PTPRD: variants seen among roughly 807,000 people sequenced by gnomAD.
PTPRD encodes receptor-type tyrosine-protein phosphatase delta.
A neutral mutation model predicts 214.5 loss-of-function variants in PTPRD; 34 were observed. That is an observed-to-expected ratio of 0.16 (90% CI 0.12 to 0.21). The LOEUF (loss-of-function observed/expected upper bound fraction) is 0.21. Ranked by LOEUF, PTPRD falls within the 10% of genes least tolerant of loss-of-function variation. The probability of loss-of-function intolerance (pLI) is 1.00; values close to 1 mark genes in which losing one functional copy is unlikely to be tolerated. For missense variants in PTPRD, 2,545 were observed against 2,398.7 expected (o/e 1.06, Z -1.27); for synonymous variants, 1,128 against 845.7 (o/e 1.33, Z -5.79).
chr9:8,733,715 T>C (rs2154434628), intron 12 of PTPRD, 65 bp downstream of exon 12: 2 of 1,501,326 alleles, frequency 1.3e-6, no homozygotes, highest in Admixed American at 3.9e-5. Flanking sequence ...CTGAGCCTGG[T>C]GCCAACTGCA....
intron 8 of PTPRD, among the ~76,000 whole-genome samples, chr9:9,413,849 T>C (rs191298782): frequency 2.9e-4 from 44 of 152,304 alleles, no homozygotes; most frequent in African/African-American, 9.9e-4. Context: ...ACTTAATAAA[T>C]GACAGGTGGT....
At chr9:9,015,914 G>A (rs2099533016) in intron 11 of PTPRD, among the ~76,000 whole-genome samples, 2 of 152,088 alleles carry the variant, frequency 1.3e-5, no homozygotes, top group South Asian at 4.1e-4. Flanking sequence ...TTATGGAGGT[G>A]AGGAATGCCA....
chr9:8,741,335 G>A (rs2091871783), intron 11 of PTPRD, among the ~76,000 whole-genome samples: 1 of 152,124 alleles, frequency 6.6e-6, no homozygotes, highest in Non-Finnish European at 1.5e-5. Flanking sequence ...ATTACTGCAT[G>A]TCATAGCTTC....
chr9:8,808,649 A>G (rs529806276), intron 11 of PTPRD, among the ~76,000 whole-genome samples: 1 of 152,002 alleles, frequency 6.6e-6, no homozygotes, highest in African/African-American at 2.4e-5. Context: ...ACAAAATAAC[A>G]ATCAAAATAA....
intron 10 of PTPRD, among the ~76,000 whole-genome samples, chr9:9,045,388 G>A (rs1429231072): frequency 2.6e-5 from 4 of 151,994 alleles, no homozygotes; most frequent in Non-Finnish European, 5.9e-5. Context: ...TTTCTAAGTC[G>A]TGAGCATGTG....
At chr9:9,278,535 G>A (rs139818127) in intron 9 of PTPRD, among the ~76,000 whole-genome samples, 1,781 of 151,304 alleles carry the variant, frequency 0.012, 43 homozygotes, top group African/African-American at 0.042. Flanking sequence ...ATATTTTAAC[G>A]TCAGATGAGG....
chr9:10,494,946 G>A (rs1053022880), intron 2 of PTPRD, among the ~76,000 whole-genome samples: 1 of 151,672 alleles, frequency 6.6e-6, no homozygotes, highest in South Asian at 2.1e-4. Context: ...CAAATGTATT[G>A]TTGCCATATC....
chr9:8,323,729 C>T (rs185896361), intron 44 of PTPRD, among the ~76,000 whole-genome samples: 1 of 152,166 alleles, frequency 6.6e-6, no homozygotes, highest in African/African-American at 2.4e-5. Flanking sequence ...AGTGGCTTCT[C>T]AAGATGGAAT....
At chr9:10,382,003 A>T (rs1332513411) in intron 2 of PTPRD, among the ~76,000 whole-genome samples, 1 of 151,972 alleles carries the variant, frequency 6.6e-6, no homozygotes, top group Non-Finnish European at 1.5e-5. Context: ...CCCAGTTCAC[A>T]AGTAAGAAAA....
chr9:9,501,972 T>C (rs944931763), intron 8 of PTPRD, among the ~76,000 whole-genome samples: 6 of 151,864 alleles, frequency 4.0e-5, no homozygotes, highest in African/African-American at 1.4e-4. Context: ...TTAAACCCTC[T>C]TTATTGAGGT....
intron 5 of PTPRD, among the ~76,000 whole-genome samples, chr9:9,820,254 T>C (rs1393958165): frequency 1.3e-5 from 2 of 152,188 alleles, no homozygotes; most frequent in Non-Finnish European, 2.9e-5. Context: ...TGAGCATTTT[T>C]TTCAGATGTT....
chr9:8,444,509 A>G (rs1453999371), intron 34 of PTPRD, among the ~76,000 whole-genome samples: 1 of 152,098 alleles, frequency 6.6e-6, no homozygotes, highest in Non-Finnish European at 1.5e-5. Flanking sequence ...GACACAAAAT[A>G]TTTTAATTTT....
chr9:10,301,901 A>C (rs1596489509), intron 3 of PTPRD, among the ~76,000 whole-genome samples: 1 of 152,294 alleles, frequency 6.6e-6, no homozygotes, highest in East Asian at 1.9e-4. Context: ...CCAACATTCA[A>C]ATTCAGGAAA....
At chr9:9,200,781 G>C (rs1359304330) in intron 9 of PTPRD, among the ~76,000 whole-genome samples, 1 of 152,190 alleles carries the variant, frequency 6.6e-6, no homozygotes, top group Non-Finnish European at 1.5e-5. Context: ...TGATGGGGGA[G>C]TTCCTTTATC....
intron 7 of PTPRD, among the ~76,000 whole-genome samples, chr9:9,732,247 T>C (rs1016596710): frequency 1.3e-5 from 2 of 152,182 alleles, no homozygotes; most frequent in African/African-American, 4.8e-5. Context: ...TGAAGAAAGA[T>C]TGCTTTTGGA....
chr9:9,824,661 C>T (rs1001089473), intron 5 of PTPRD, among the ~76,000 whole-genome samples: 18 of 151,882 alleles, frequency 1.2e-4, no homozygotes, highest in African/African-American at 4.3e-4. Flanking sequence ...AAAAGATATT[C>T]TAGTATCAAA....
intron 2 of PTPRD, among the ~76,000 whole-genome samples, chr9:10,420,258 G>C (rs930701325): frequency 7.2e-5 from 11 of 151,842 alleles, no homozygotes; most frequent in African/African-American, 2.4e-4. Flanking sequence ...AGTTTACTCT[G>C]AGAATTTATT....
intron 12 of PTPRD, among the ~76,000 whole-genome samples, chr9:8,688,847 T>G (rs527262952): frequency 1.7e-3 from 257 of 152,276 alleles, no homozygotes; most frequent in African/African-American, 5.9e-3. Flanking sequence ...AAACGAATGG[T>G]TTTATCCAAA....
intron 7 of PTPRD, among the ~76,000 whole-genome samples, chr9:9,699,942 A>G (rs745493489): frequency 6.6e-6 from 1 of 152,164 alleles, no homozygotes; most frequent in Non-Finnish European, 1.5e-5. Flanking sequence ...GGATTTGACA[A>G]GTATGCATTC....
Sources: gnomAD v4.1 joint callset for allele counts (sites outside exome capture counted in the v4.1 genomes callset) on GRCh38, gnomAD v4.1.1 for gene constraint, MANE v1.5 for transcripts, NCBI Gene and HGNC (gene_info 2026-07-23, HGNC 2026-07-21) for gene names.